RNF128: variants seen among roughly 807,000 people sequenced by gnomAD.
The protein encoded by RNF128 is E3 ubiquitin-protein ligase RNF128.
In RNF128, 13 loss-of-function variants were observed where a neutral mutation model predicts 26.2. The ratio of observed to expected loss-of-function variants is 0.50; its 90% CI spans 0.32 to 0.79. The LOEUF is 0.79. Ranked by LOEUF, RNF128 falls within the 30% of genes least tolerant of loss-of-function variation. The pLI is 0.03. For missense variants in RNF128, 315 were observed against 349.7 expected (o/e 0.90, Z 0.79); for synonymous variants, 149 against 142.5 (o/e 1.05, Z -0.32).
At chrX:106,766,198 C>G (rs1048312202) in intron 1 of RNF128, among the ~76,000 whole-genome samples, 14 of 111,950 alleles carry the variant, frequency 1.3e-4, no homozygotes, top group African/African-American at 4.5e-4. Context: ...GTCTTTATAG[C>G]AGCATGATTT....
chrX:106,694,499 G>T, intron 1 of RNF128: 1 of 648,123 alleles, frequency 1.5e-6, no homozygotes, highest in South Asian at 7.1e-5. Flanking sequence ...CTGGCAACAA[G>T]GTTGTAAAAT....
chrX:106,706,397 A>C (rs757222432), intron 1 of RNF128, among the ~76,000 whole-genome samples: 20 of 108,503 alleles, frequency 1.8e-4, no homozygotes, highest in African/African-American at 6.2e-4. Flanking sequence ...AAAAAAAAAC[A>C]AAAAAAAACA....
Position 106,790,168 on chromosome X carries a change from G to T in RNF128, c.888-18G>T, listed in dbSNP as rs1930795021. 4.6e-6 allele frequency: 5 copies of T among 1,087,740 alleles called. No homozygotes were observed. The East Asian group carries it at 1.2e-4, about 26-fold the overall frequency. The allele number at this position is 1,087,740 out of a possible 1,213,427, so 89.6% of individuals were successfully genotyped here. ...TTGCTACTTTACAACTGATAATTAT[G>T]TTTTTTTCCTGAATTAGCCATATTT... On this transcript the variant is annotated intron_variant, in intron 4 of 6. Coordinates refer to ENST00000255499, the MANE Select transcript of RNF128 (RefSeq NM_194463.2).
chrX:106,736,742 T>C (rs1441522907), intron 1 of RNF128, among the ~76,000 whole-genome samples: 1 of 112,256 alleles, frequency 8.9e-6, no homozygotes, highest in African/African-American at 3.2e-5. Context: ...CTGAAAAGTT[T>C]TATTACAAAT....
At chrX:106,721,038 G>A (rs774452634) in intron 1 of RNF128, among the ~76,000 whole-genome samples, 1 of 112,054 alleles carries the variant, frequency 8.9e-6, no homozygotes, top group Admixed American at 9.4e-5. Context: ...CCTAATGGTT[G>A]TATACTAACT....
intron 1 of RNF128, among the ~76,000 whole-genome samples, chrX:106,699,910 C>T (rs899506575): frequency 8.9e-6 from 1 of 111,906 alleles, no homozygotes; most frequent in Non-Finnish European, 1.9e-5. Flanking sequence ...TTTCTTCTAA[C>T]GGGTCTCCCT....
chrX:106,752,976 A>G (rs1275782049), intron 1 of RNF128, among the ~76,000 whole-genome samples: 1 of 111,514 alleles, frequency 9.0e-6, no homozygotes, highest in African/African-American at 3.3e-5. Context: ...AGAAAAAAGT[A>G]TTGAGCTTGA....
At chrX:106,707,151 T>C (rs948281936) in intron 1 of RNF128, among the ~76,000 whole-genome samples, 1 of 112,029 alleles carries the variant, frequency 8.9e-6, no homozygotes, top group Non-Finnish European at 1.9e-5. Context: ...AATAGATTCA[T>C]AGCTTAAACA....
chrX:106,782,587 T>A (rs889391036), intron 2 of RNF128, among the ~76,000 whole-genome samples: 1 of 112,540 alleles, frequency 8.9e-6, no homozygotes, highest in Admixed American at 9.5e-5. Flanking sequence ...CCCTTTTGAA[T>A]AAGTTATTTT....
chrX:106,770,335 A>T (rs987476396), intron 1 of RNF128, among the ~76,000 whole-genome samples: 14 of 111,697 alleles, frequency 1.3e-4, no homozygotes, highest in Admixed American at 1.2e-3. Flanking sequence ...TCTCCTGAAG[A>T]GTATTTTCCG....
intron 1 of RNF128, among the ~76,000 whole-genome samples, chrX:106,748,689 G>A (rs1929827438): frequency 9.0e-6 from 1 of 111,710 alleles, no homozygotes; most frequent in African/African-American, 3.3e-5. Flanking sequence ...AATGTCACAT[G>A]TTCTCACTCA....
intron 1 of RNF128, among the ~76,000 whole-genome samples, chrX:106,716,222 T>C (rs757064735): frequency 8.9e-6 from 1 of 112,021 alleles, no homozygotes; most frequent in African/African-American, 3.2e-5. Flanking sequence ...GCCTCTATTC[T>C]AGCACAGGAC....
chrX:106,720,462 C>A (rs1052836685), intron 1 of RNF128, among the ~76,000 whole-genome samples: 1 of 111,456 alleles, frequency 9.0e-6, no homozygotes, highest in South Asian at 3.8e-4. Flanking sequence ...AACTCTCCTG[C>A]CTCAGCCTCT....
chrX:106,754,351 G>T (rs1383878956), intron 1 of RNF128, among the ~76,000 whole-genome samples: 1 of 104,139 alleles, frequency 9.6e-6, no homozygotes, highest in Non-Finnish European at 1.9e-5. Context: ...CTTCCAAGTA[G>T]CTGGGACTAC....
intron 1 of RNF128, among the ~76,000 whole-genome samples, chrX:106,717,288 A>G (rs1454052405): frequency 1.8e-5 from 2 of 112,145 alleles, no homozygotes; most frequent in African/African-American, 6.5e-5. Flanking sequence ...TTTAGAAAGT[A>G]TAATCTGGCT....
chrX:106,791,346 A>G, intron 6 of RNF128, 112 bp downstream of exon 6: 1 of 707,747 alleles, frequency 1.4e-6, no homozygotes, highest in Non-Finnish European at 2.0e-6. Context: ...ATCATGATCC[A>G]GGTTTTTTCT....
Position 106,764,406 on chromosome X carries a change from C to T in RNF128, c.485-8507C>T, listed in dbSNP as rs777176148. Among the ~76,000 whole-genome samples, 214 of 110,947 alleles carry T rather than the reference C, an allele frequency of 1.9e-3. 3 individuals are homozygous for T. Among genetic ancestry groups the T allele is most frequent in the African/African-American group, 6.9e-3 (210 of 30,574 alleles). On this transcript the variant is annotated intron_variant, in intron 1 of 6. Coordinates refer to ENST00000255499, the MANE Select transcript of RNF128 (RefSeq NM_194463.2). ...TTATGGCCAGGTGCAGTGGCTGACGCCTCTAATCCCTGCACTTTGGGAGGC... is the reference window on the plus strand; with the variant it reads ...TTATGGCCAGGTGCAGTGGCTGACGTCTCTAATCCCTGCACTTTGGGAGGC...
rs974169012 is a variant in RNF128 at position 106,777,715 on chromosome X, G to C, written c.732+4555G>C. On this transcript the variant is annotated intron_variant, in intron 2 of 6. Coordinates refer to ENST00000255499, the MANE Select transcript of RNF128 (RefSeq NM_194463.2). ...AAATTTATTTTCTCTCACACCTGTC[G>C]TACCAGCACTTTGGGAGGCCGAGGC... is the stretch of plus-strand genomic sequence containing the variant. 2.7e-5 allele frequency among the ~76,000 whole-genome samples: 3 copies of C among 111,618 alleles called. No homozygotes were observed. The South Asian group carries it at 1.1e-3, about 43-fold the overall frequency.
intron 1 of RNF128, among the ~76,000 whole-genome samples, chrX:106,744,723 T>C (rs1302639384): frequency 9.0e-6 from 1 of 111,597 alleles, no homozygotes; most frequent in East Asian, 2.8e-4. Context: ...CCTCCCAAAG[T>C]GCTAGGATTA....
Sources: gnomAD v4.1 joint callset for allele counts (sites outside exome capture counted in the v4.1 genomes callset) on GRCh38, gnomAD v4.1.1 for gene constraint, MANE v1.5 for transcripts, NCBI Gene and HGNC (gene_info 2026-07-23, HGNC 2026-07-21) for gene names.